The following MEP1B variants were observed in gnomAD, a reference collection of about 807,000 sequenced individuals.
The protein encoded by MEP1B is N-benzoyl-L-tyrosyl-P-amino-benzoic acid hydrolase subunit beta.
A neutral mutation model predicts 84.6 loss-of-function variants in MEP1B; 80 were observed. The observed-to-expected ratio is 0.95, with a 90% CI of 0.79 to 1.14. The LOEUF (loss-of-function observed/expected upper bound fraction) is 1.14, where lower values mean the gene tolerates loss of function less well. Ranked by LOEUF, MEP1B falls within the 50% of genes most tolerant of loss-of-function variation. The probability of loss-of-function intolerance (pLI) is 0.00; values close to 1 mark genes in which losing one functional copy is unlikely to be tolerated. For missense variants in MEP1B, 766 were observed against 855.1 expected (o/e 0.90, Z 1.30); for synonymous variants, 273 against 288.1 (o/e 0.95, Z 0.53).
rs766328882 is a variant in MEP1B at position 32,203,011 on chromosome 18, G to T, written c.368+1G>T. ...ATATATCAGTGTTCAAGGGCAGTGG[G>T]TAAGTTGCAGACTTAGTCTTCTAAG... On this transcript the variant is annotated splice_donor_variant, in intron 6 of 14. Transcript: ENST00000269202. LOFTEE classifies it high-confidence loss of function. 6.4e-6 allele frequency: 10 copies of T among 1,563,826 alleles called. No individual in the cohort carries two copies. The South Asian group carries it at 8.0e-5, about 12-fold the overall frequency.
chr18:32,197,935 C>T (rs2040872469), intron 5 of MEP1B, among the ~76,000 whole-genome samples: 1 of 152,172 alleles, frequency 6.6e-6, no homozygotes, highest in South Asian at 2.1e-4. Context: ...CTCATCTTTA[C>T]ATCCATGTCT....
intron 7 of MEP1B, among the ~76,000 whole-genome samples, chr18:32,206,157 T>A (rs1423502204): frequency 1.3e-5 from 2 of 152,084 alleles, no homozygotes; most frequent in African/African-American, 2.4e-5. Context: ...AATTTTTGTA[T>A]TTTTAGTAGA....
At chr18:32,206,817 G>A (rs2040970373) in intron 7 of MEP1B, among the ~76,000 whole-genome samples, 2 of 152,014 alleles carry the variant, frequency 1.3e-5, no homozygotes, top group African/African-American at 4.8e-5. Flanking sequence ...TCACCATGTT[G>A]GTCAGGCTGG....
At position 32,202,952 on chromosome 18, in the gene MEP1B, A is replaced by G; in HGVS notation, c.310A>G (p.Ile104Val). 1 of 1,612,988 alleles carries G rather than the reference A, an allele frequency of 6.2e-7. No individual in the cohort carries two copies. Among genetic ancestry groups the G allele is most frequent in the East Asian group, 2.2e-5 (1 of 44,878 alleles). Residue 104 changes from isoleucine (I) to valine (V), a missense_variant, in exon 6 of 15, where the codon ATT becomes GTT. Transcript: ENST00000269202. ...TGAACGTTATCGCCTTAAAACATGT[A>G]TTGACTTTAAGCCTTGGGCTGGAGA... ...AFERYRLKTC[I>V]DFKPWAGETN...
chr18:32,217,412 A>T (rs1037474684), intron 13 of MEP1B, among the ~76,000 whole-genome samples: 1 of 152,114 alleles, frequency 6.6e-6, no homozygotes, highest in African/African-American at 2.4e-5. Flanking sequence ...CATTTTCTAG[A>T]TGAAGATACT....
At chr18:32,210,737 T>C (rs769942606) in intron 10 of MEP1B, 21 bp downstream of exon 10, 1 of 1,595,342 alleles carries the variant, frequency 6.3e-7, no homozygotes, top group South Asian at 1.1e-5. Flanking sequence ...AACATCCTTA[T>C]TGTCTGGATT....
intron 10 of MEP1B, 45 bp from the exon 11 acceptor site, chr18:32,213,071 G>T: frequency 6.5e-7 from 1 of 1,550,282 alleles, no homozygotes; most frequent in African/African-American, 1.4e-5. Context: ...ACATGTACAT[G>T]ATTTGAACTT....
intron 10 of MEP1B, 95 bp from the exon 11 acceptor site, chr18:32,213,021 G>A: frequency 2.5e-6 from 3 of 1,179,462 alleles, no homozygotes; most frequent in Non-Finnish European, 3.6e-6. Context: ...AATCGGTTTT[G>A]GATGACCCTT....
chr18:32,196,323 G>A lies in MEP1B; in HGVS notation c.250+838G>A. On this transcript the variant is annotated intron_variant, in intron 5 of 14. Transcript: ENST00000269202. The surrounding 1 kb of genome is among the most constrained non-coding windows in gnomAD (Gnocchi z 4.4). ...TGTTGTTGCTGGAGCCGTTGCGGTA[G>A]ATCTCATGCATGGCGCGCCGCAGGG... 1 of 704,584 alleles carries A rather than the reference G, an allele frequency of 1.4e-6. No homozygotes were observed. The highest frequency in any genetic ancestry group is 2.7e-5 in the East Asian group (1 of 37,026). The allele number at this position is 704,584 out of a possible 1,614,324, so 43.6% of individuals were successfully genotyped here. A position where few individuals can be genotyped will look rare whatever the true frequency, so the allele number is the denominator to read the frequency against.
At chr18:32,190,455 A>G (rs543585145) in intron 1 of MEP1B, among the ~76,000 whole-genome samples, 15 of 152,282 alleles carry the variant, frequency 9.9e-5, no homozygotes, top group African/African-American at 2.9e-4. Flanking sequence ...ATTGCTGCAC[A>G]GTAACTTGAG....
intron 12 of MEP1B, 48 bp from the exon 13 acceptor site, chr18:32,216,943 T>A: frequency 6.3e-7 from 1 of 1,575,780 alleles, no homozygotes; most frequent in South Asian, 1.2e-5. Context: ...ATCAAATGAT[T>A]GTTAAACAAA....
intron 7 of MEP1B, among the ~76,000 whole-genome samples, chr18:32,205,263 T>C (rs1223211967): frequency 6.6e-6 from 1 of 152,234 alleles, no homozygotes; most frequent in Non-Finnish European, 1.5e-5. Context: ...ATGAACTGTT[T>C]GTGATTTTGT....
chr18:32,195,376 T>C, intron 4 of MEP1B, 31 bp from the exon 5 acceptor site: 1 of 1,417,170 alleles, frequency 7.1e-7, no homozygotes, highest in Admixed American at 1.7e-5. Flanking sequence ...CTTATTTGTT[T>C]AACTAGCCCT....
At position 32,212,298 on chromosome 18, in the gene MEP1B, T is replaced by G. The variant is rs561833003; in HGVS notation, c.1136-818T>G. Among the ~76,000 whole-genome samples, 27 of 152,274 alleles carry G rather than the reference T, an allele frequency of 1.8e-4. No homozygotes were observed. The East Asian group carries it at 4.4e-3, about 25-fold the overall frequency. ...GTCATTTGGGTATGTCTAGCTTATT[T>G]TCAAGTAACTGTGTTTCACATTAAG... is the stretch of plus-strand genomic sequence containing the variant. On this transcript the variant is annotated intron_variant, in intron 10 of 14. Transcript: ENST00000269202.
intron 5 of MEP1B, among the ~76,000 whole-genome samples, chr18:32,201,140 T>C (rs2040907286): frequency 6.6e-6 from 1 of 152,218 alleles, no homozygotes; most frequent in Non-Finnish European, 1.5e-5. Flanking sequence ...TTTTGATAAA[T>C]GGCCTAAACT....
chr18:32,203,200 C>A (rs183085205), intron 6 of MEP1B, 190 bp downstream of exon 6: 4 of 490,980 alleles, frequency 8.1e-6, no homozygotes, highest in African/African-American at 7.8e-5. Flanking sequence ...TACATGTAAC[C>A]GCCTTTAGAC....
At chr18:32,219,133 A>G (rs2041124264) in intron 14 of MEP1B, among the ~76,000 whole-genome samples, 1 of 152,242 alleles carries the variant, frequency 6.6e-6, no homozygotes, top group Non-Finnish European at 1.5e-5. Flanking sequence ...CAATTGGCTA[A>G]AGCAAGAGTA....
chr18:32,203,102 T>G lies in MEP1B; in HGVS notation c.368+92T>G, dbSNP rs79782730. ...AGCAATCATCCTAGGCTCTGACCTT[T>G]AGGAAGGGGTGGGGACTTTCTTGCT... On this transcript the variant is annotated intron_variant, in intron 6 of 14. Transcript: ENST00000269202. The G allele has an allele frequency of 3.9e-3, 2,658 of 688,814 alleles. 51 individuals are homozygous for G. The African/African-American group carries it at 0.041, about 11-fold the overall frequency. 42.7% of individuals were successfully genotyped at this position (688,814 alleles called of 1,614,324 possible). A position where few individuals can be genotyped will look rare whatever the true frequency, so the allele number is the denominator to read the frequency against.
intron 2 of MEP1B, 83 bp downstream of exon 2, chr18:32,191,923 C>T (rs560286509): frequency 2.5e-6 from 2 of 795,950 alleles, no homozygotes; most frequent in Non-Finnish European, 2.1e-6. Context: ...ATTACATATG[C>T]ATAATTGATG....
Sources: gnomAD v4.1 joint callset for allele counts (sites outside exome capture counted in the v4.1 genomes callset) on GRCh38, gnomAD v4.1.1 for gene constraint, Gnocchi (gnomAD v3.1) non-coding constraint, MANE v1.5 for transcripts, NCBI Gene and HGNC (gene_info 2026-07-23, HGNC 2026-07-21) for gene names.